NALF1: variants seen among roughly 807,000 people sequenced by gnomAD.
NALF1 encodes NALCN channel auxiliary factor 1.
In NALF1, 3 loss-of-function variants were observed where a neutral mutation model predicts 48.4. The ratio of observed to expected loss-of-function variants is 0.06; its 90% CI spans 0.03 to 0.16. The LOEUF (loss-of-function observed/expected upper bound fraction) is 0.16, where lower values mean the gene tolerates loss of function less well. NALF1 is among the 10% of genes least tolerant of loss of function. NALF1 has a pLI of 1.00. For synonymous variants in NALF1, 262 were observed against 245.7 expected, an observed-to-expected ratio of 1.07 and a Z score of -0.62; for missense variants, 526 against 571.5, an observed-to-expected ratio of 0.92 and a Z score of 0.81.
intron 1 of NALF1, among the ~76,000 whole-genome samples, chr13:107,704,400 T>A (rs1468285988): frequency 6.6e-6 from 1 of 152,216 alleles, no homozygotes; most frequent in Non-Finnish European, 1.5e-5. Context: ...ATCTTTTCTA[T>A]ACCAATGTCT....
intron 1 of NALF1, among the ~76,000 whole-genome samples, chr13:107,567,354 TA>T (rs1301883744): frequency 6.6e-6 from 1 of 152,194 alleles, no homozygotes; most frequent in Non-Finnish European, 1.5e-5. Context: ...TTAGCCTTTT[TA>T]AAAAATAAAA....
intron 1 of NALF1, among the ~76,000 whole-genome samples, chr13:107,459,710 T>A (rs1036785405): frequency 2.0e-5 from 3 of 152,140 alleles, no homozygotes; most frequent in African/African-American, 7.2e-5. Context: ...AGAAAATCCC[T>A]TCTAAGCCAT....
intron 2 of NALF1, among the ~76,000 whole-genome samples, chr13:107,190,712 A>G (rs541828970): frequency 7.2e-5 from 11 of 152,350 alleles, no homozygotes; most frequent in African/African-American, 1.7e-4. Context: ...TGCAAAAGGA[A>G]TATTAGTTAG....
intron 1 of NALF1, among the ~76,000 whole-genome samples, chr13:107,643,892 G>T (rs1422658607): frequency 1.3e-5 from 2 of 151,352 alleles, no homozygotes; most frequent in Non-Finnish European, 1.5e-5. Context: ...CCATCAGCTA[G>T]ATTTTCCATT....
intron 2 of NALF1, among the ~76,000 whole-genome samples, chr13:107,180,201 A>T (rs556995528): frequency 4.9e-4 from 74 of 151,992 alleles, no homozygotes; most frequent in Non-Finnish European, 4.6e-4. Flanking sequence ...CCAATTAGTC[A>T]AAGCCACTTA....
intron 1 of NALF1, among the ~76,000 whole-genome samples, chr13:107,356,002 A>G (rs1882957063): frequency 6.6e-6 from 1 of 152,164 alleles, no homozygotes; most frequent in Non-Finnish European, 1.5e-5. Context: ...TGGCTTCCTA[A>G]CTTCTGTCTG....
At chr13:107,570,280 T>A (rs1330081002) in intron 1 of NALF1, among the ~76,000 whole-genome samples, 1 of 152,076 alleles carries the variant, frequency 6.6e-6, no homozygotes, top group Admixed American at 6.6e-5. Flanking sequence ...ATCTCAGAGA[T>A]AAATCATTCA....
intron 2 of NALF1, among the ~76,000 whole-genome samples, chr13:107,199,379 T>C (rs1879461303): frequency 2.0e-5 from 3 of 152,146 alleles, no homozygotes; most frequent in South Asian, 4.1e-4. Flanking sequence ...CTGTAGCATG[T>C]GGTATTTTGT....
intron 1 of NALF1, among the ~76,000 whole-genome samples, chr13:107,621,415 TTC>T: frequency 6.6e-6 from 1 of 152,218 alleles, no homozygotes; most frequent in African/African-American, 2.4e-5. Flanking sequence ...GGCAAAAAAA[TTC>T]TGTTTGATGA....
Position 107,164,945 on chromosome 13 carries a change from G to A in NALF1, c.*5552C>T, listed in dbSNP as rs1878628738. 2 of 152,012 alleles carry A rather than the reference G, an allele frequency of 1.3e-5. No individual in the cohort carries two copies. The allele number at this position is 152,012 out of a possible 1,614,324, so 9.4% of individuals were successfully genotyped here. On this transcript the variant is annotated 3_prime_UTR_variant, in exon 3 of 3. Coordinates refer to ENST00000375915, the MANE Select transcript of NALF1 (RefSeq NM_001080396.3). ...TACTACTGAGCACCTGTTTTGTCCA[G>A]GCACATTTATATTACTTATCTCTTT...
chr13:107,314,084 C>T (rs941020397), intron 1 of NALF1, among the ~76,000 whole-genome samples: 5 of 152,098 alleles, frequency 3.3e-5, no homozygotes, highest in African/African-American at 1.2e-4. Flanking sequence ...AAAATTAGAA[C>T]AAGGAAACCA....
chr13:107,864,808 C>T (rs1188888904), intron 1 of NALF1, among the ~76,000 whole-genome samples: 1 of 152,134 alleles, frequency 6.6e-6, no homozygotes, highest in Non-Finnish European at 1.5e-5. Flanking sequence ...AAGAAACTTG[C>T]GCAGGCTTCC....
At chr13:107,697,036 T>C (rs1449474135) in intron 1 of NALF1, among the ~76,000 whole-genome samples, 1 of 152,154 alleles carries the variant, frequency 6.6e-6, no homozygotes, top group Non-Finnish European at 1.5e-5. Flanking sequence ...TTGTGTTTAA[T>C]GATCAATTAC....
At chr13:107,511,357 G>A (rs1566371673) in intron 1 of NALF1, among the ~76,000 whole-genome samples, 1 of 152,130 alleles carries the variant, frequency 6.6e-6, no homozygotes, top group East Asian at 1.9e-4. Flanking sequence ...TAGATTTATA[G>A]GCATTCAGAG....
intron 1 of NALF1, among the ~76,000 whole-genome samples, chr13:107,406,034 G>T (rs1883892209): frequency 6.6e-6 from 1 of 152,002 alleles, no homozygotes; most frequent in Non-Finnish European, 1.5e-5. Context: ...CTATCTCTCA[G>T]ACGATCACCA....
intron 1 of NALF1, among the ~76,000 whole-genome samples, chr13:107,516,704 A>G (rs916796528): frequency 2.0e-5 from 3 of 152,184 alleles, no homozygotes; most frequent in African/African-American, 7.2e-5. Flanking sequence ...CTCTGAGTGC[A>G]ATCACATTCC....
intron 1 of NALF1, among the ~76,000 whole-genome samples, chr13:107,436,751 CAAAAAA>C (rs968210573): frequency 8.6e-5 from 13 of 151,852 alleles, no homozygotes; most frequent in African/African-American, 3.1e-4. Context: ...AAGAAAATTT[CAAAAAA>C]GCATAAAGTT....
At chr13:107,708,982 C>T (rs1446140182) in intron 1 of NALF1, among the ~76,000 whole-genome samples, 2 of 152,100 alleles carry the variant, frequency 1.3e-5, no homozygotes, top group Non-Finnish European at 2.9e-5. Context: ...ATCAGCAGAG[C>T]TTTGGGGACA....
At chr13:107,522,652 GTAC>G in intron 1 of NALF1, among the ~76,000 whole-genome samples, 1 of 151,408 alleles carries the variant, frequency 6.6e-6, no homozygotes, top group Non-Finnish European at 1.5e-5. Context: ...AGCCCAGACT[GTAC>G]TGCAGTGGTG....
Sources: allele counts gnomAD v4.1 joint callset (sites outside exome capture counted in the v4.1 genomes callset), GRCh38; gene constraint gnomAD v4.1.1; transcripts MANE v1.5; gene names NCBI Gene and HGNC (gene_info 2026-07-23, HGNC 2026-07-21).